Variants in EDIL3 observed in about 807,000 individuals in gnomAD.
EDIL3 encodes EGF-like repeat and discoidin I-like domain-containing protein 3.
A neutral mutation model predicts 67.4 loss-of-function variants in EDIL3; 37 were observed. The ratio of observed to expected loss-of-function variants is 0.55; its 90% CI spans 0.42 to 0.72. The LOEUF is 0.72. Ranked by LOEUF, EDIL3 falls within the 30% of genes least tolerant of loss-of-function variation. The pLI is 0.00. For missense variants in EDIL3, 527 were observed against 586.3 expected (o/e 0.90, Z 1.04); for synonymous variants, 195 against 196.3 (o/e 0.99, Z 0.05).
intron 3 of EDIL3, among the ~76,000 whole-genome samples, chr5:84,217,689 A>G (rs559745303): frequency 6.7e-6 from 1 of 150,352 alleles, no homozygotes; most frequent in African/African-American, 2.5e-5. Flanking sequence ...CTCAAAATAA[A>G]TCTACTTACC....
At chr5:84,319,703 T>A (rs1388232382) in intron 1 of EDIL3, among the ~76,000 whole-genome samples, 1 of 152,082 alleles carries the variant, frequency 6.6e-6, no homozygotes, top group African/African-American at 2.4e-5. Flanking sequence ...ATTGCACACA[T>A]ATGTTTACTG....
chr5:84,309,989 C>A (rs968412938), intron 1 of EDIL3, among the ~76,000 whole-genome samples: 11 of 152,200 alleles, frequency 7.2e-5, no homozygotes, highest in Non-Finnish European at 1.6e-4. Context: ...TTCTCCACAT[C>A]AGTTTCACTC....
intron 5 of EDIL3, among the ~76,000 whole-genome samples, chr5:84,128,114 T>C (rs1300805005): frequency 1.3e-5 from 2 of 152,092 alleles, no homozygotes; most frequent in African/African-American, 4.8e-5. Flanking sequence ...GTGTGCTGAT[T>C]CAGTTGAAAA....
At position 84,383,254 on chromosome 5, in the gene EDIL3, G is replaced by C. The variant is rs890138530; in HGVS notation, c.67+1054C>G. 1.3e-5 allele frequency among the ~76,000 whole-genome samples: 2 copies of C among 152,046 alleles called. 1 individual carries two copies. Among genetic ancestry groups the C allele is most frequent in the South Asian group, 4.1e-4 (2 of 4,828 alleles). On this transcript the variant is annotated intron_variant, in intron 1 of 10. Transcript: ENST00000296591. ...GAGTGGCACAGCTCCCCCAGGCACA[G>C]CTCCCACTCGCCTCCCCACACACCC...
chr5:84,354,448 G>T, intron 1 of EDIL3, among the ~76,000 whole-genome samples: 1 of 152,122 alleles, frequency 6.6e-6, no homozygotes, highest in Non-Finnish European at 1.5e-5. Context: ...CTTGAGGTCA[G>T]GAGTTCGAGA....
At position 84,064,823 on chromosome 5, in the gene EDIL3, T is replaced by A. The variant is rs772684820; in HGVS notation, c.829A>T (p.Asn277Tyr). The change falls in exon 8 of 11, where the codon AAC becomes TAC. Residue 277 changes from asparagine to tyrosine, a missense_variant. By Grantham distance (143) the Asn-to-Tyr change is moderately radical. Coordinates refer to ENST00000296591, the MANE Select transcript of EDIL3 (RefSeq NM_005711.5). ...AAAGAGTTAGCATATGGAGTGTTGT[T>A]ATCAATGTTTCCACGAAACACCTGT... Reference protein sequence around the residue: ...EDMVFRGNIDNNTPYANSFTP... With the variant: ...EDMVFRGNIDYNTPYANSFTP... 6.2e-7 allele frequency: 1 copy of A among 1,611,466 alleles called. No individual in the cohort carries two copies. Among genetic ancestry groups the A allele is most frequent in the East Asian group, 2.2e-5 (1 of 44,850 alleles).
chr5:84,058,214 A>T (rs1261342453), intron 9 of EDIL3, among the ~76,000 whole-genome samples: 1 of 152,112 alleles, frequency 6.6e-6, no homozygotes, highest in African/African-American at 2.4e-5. Context: ...AGAGTAGGGT[A>T]AGAAACGAAC....
At chr5:84,136,708 C>T (rs1007064685) in intron 5 of EDIL3, among the ~76,000 whole-genome samples, 4 of 152,052 alleles carry the variant, frequency 2.6e-5, no homozygotes, top group Non-Finnish European at 4.4e-5. Context: ...ATTTTTATTT[C>T]GTTTCTTTTA....
At chr5:84,274,612 A>G (rs1745537325) in intron 1 of EDIL3, among the ~76,000 whole-genome samples, 1 of 152,230 alleles carries the variant, frequency 6.6e-6, no homozygotes, top group African/African-American at 2.4e-5. Flanking sequence ...TCATTTTAGT[A>G]AAATGTGGAA....
At chr5:84,133,474 A>C (rs1015376640) in intron 5 of EDIL3, among the ~76,000 whole-genome samples, 1 of 150,006 alleles carries the variant, frequency 6.7e-6, no homozygotes, top group Non-Finnish European at 1.5e-5. Context: ...CAAAAAAAAA[A>C]AAAAAAAAAA....
chr5:84,256,904 C>A (rs774033273), intron 1 of EDIL3, among the ~76,000 whole-genome samples: 1 of 152,166 alleles, frequency 6.6e-6, no homozygotes, highest in Non-Finnish European at 1.5e-5. Context: ...AATATCAAAT[C>A]TAGTTAATAA....
chr5:84,222,694 T>G (rs375583021), intron 3 of EDIL3, among the ~76,000 whole-genome samples: 27 of 152,036 alleles, frequency 1.8e-4, no homozygotes, highest in African/African-American at 6.5e-4. Flanking sequence ...ATGTGTGAGA[T>G]GCCATCTCAT....
chr5:84,077,664 G>A (rs1305983796), intron 6 of EDIL3, among the ~76,000 whole-genome samples: 2 of 151,962 alleles, frequency 1.3e-5, no homozygotes, highest in African/African-American at 2.4e-5. Flanking sequence ...ACCTCCCACC[G>A]GGACCCTCCC....
chr5:84,055,750 C>T (rs2112230350), intron 9 of EDIL3, among the ~76,000 whole-genome samples: 1 of 152,274 alleles, frequency 6.6e-6, no homozygotes, highest in Non-Finnish European at 1.5e-5. Flanking sequence ...CAAATCAAAA[C>T]CACAATGAGA....
intron 6 of EDIL3, among the ~76,000 whole-genome samples, chr5:84,086,338 G>A (rs1231187831): frequency 3.3e-5 from 5 of 152,204 alleles, no homozygotes; most frequent in Non-Finnish European, 4.4e-5. Flanking sequence ...GCAAAAATCC[G>A]TGGGAAAAGC....
chr5:84,123,212 C>T (rs1224214754), intron 5 of EDIL3, among the ~76,000 whole-genome samples: 1 of 151,940 alleles, frequency 6.6e-6, no homozygotes, highest in Non-Finnish European at 1.5e-5. Context: ...ATGAAACCAG[C>T]ATCTGGGCAA....
chr5:84,140,639 G>A (rs1748172064), intron 4 of EDIL3, among the ~76,000 whole-genome samples: 1 of 152,082 alleles, frequency 6.6e-6, no homozygotes, highest in African/African-American at 2.4e-5. Context: ...TGCTGAAATG[G>A]AAATGCTTTG....
At chr5:84,204,123 A>C (rs1379119101) in intron 3 of EDIL3, among the ~76,000 whole-genome samples, 1 of 152,222 alleles carries the variant, frequency 6.6e-6, no homozygotes, top group Non-Finnish European at 1.5e-5. Context: ...TACAACATTT[A>C]ATGGTCATTT....
intron 5 of EDIL3, among the ~76,000 whole-genome samples, chr5:84,117,032 T>TA (rs1747679980): frequency 1.5e-5 from 2 of 134,856 alleles, no homozygotes; most frequent in African/African-American, 5.8e-5. Flanking sequence ...TTTTTTTTTT[T>TA]TTTTTTTTTT....
Sources: allele counts gnomAD v4.1 joint callset (sites outside exome capture counted in the v4.1 genomes callset), GRCh38; gene constraint gnomAD v4.1.1; transcripts MANE v1.5; gene names NCBI Gene and HGNC (gene_info 2026-07-23, HGNC 2026-07-21).